NECTIN3: variants seen among roughly 807,000 people sequenced by gnomAD.
The protein encoded by NECTIN3 is nectin cell adhesion molecule 3, also known as nectin-3.
NECTIN3 carries 8 observed loss-of-function variants against 49.4 expected under a neutral mutation model. The observed-to-expected ratio is 0.16, with a 90% CI of 0.10 to 0.29. The LOEUF (loss-of-function observed/expected upper bound fraction) is 0.29, where lower values mean the gene tolerates loss of function less well. Among genes scored for constraint, NECTIN3 ranks in the 10% least tolerant of loss-of-function variants. The pLI, the probability that NECTIN3 is intolerant of heterozygous loss-of-function variation, is 1.00. For missense variants in NECTIN3, 581 were observed against 654.6 expected (o/e 0.89, Z 1.23); for synonymous variants, 277 against 241.1 (o/e 1.15, Z -1.38).
In NECTIN3 at chr3:111,106,601, A is replaced by G. The variant is rs1576108533; in HGVS notation, c.161-5429A>G. The stretch of plus-strand genomic sequence containing the variant: ...CTTACCTATCAGTTTAAAACAAATC[A>G]GGTTAATTACTGAATGTGCTGGTGA... On this transcript the variant is annotated intron_variant, in intron 1 of 5. Coordinates refer to ENST00000485303, the MANE Select transcript of NECTIN3 (RefSeq NM_015480.3). Among the ~76,000 whole-genome samples, 3 of 152,300 alleles carry G rather than the reference A, an allele frequency of 2.0e-5. 1 individual carries two copies. In the East Asian group the frequency reaches 5.8e-4, roughly 29 times the overall value.
rs763632022 is a variant in NECTIN3 at position 111,118,637 on chromosome 3, T to TA, written c.503-12dup. On this transcript the variant is annotated intron_variant, in intron 2 of 5. Coordinates refer to ENST00000485303, the MANE Select transcript of NECTIN3 (RefSeq NM_015480.3). ...TTCTTGTTTGAATGTAACTAATTATTAAAAAAATATTTAAACAGTTGAACC... is the reference window on the plus strand; with the variant it reads ...TTCTTGTTTGAATGTAACTAATTATTAAAAAAAATATTTAAACAGTTGAACC... 2.5e-5 allele frequency: 38 copies of TA among 1,505,446 alleles called. No homozygotes were observed. The highest frequency in any genetic ancestry group is 3.1e-5 in the Non-Finnish European group (35 of 1,126,306). The allele number at this position is 1,505,446 out of a possible 1,614,324, so 93.3% of individuals were successfully genotyped here. A position where few individuals can be genotyped will look rare whatever the true frequency, so the allele number is the denominator to read the frequency against.
At chr3:111,149,843 A>G (rs2034962924) in intron 7 of NECTIN3, among the ~76,000 whole-genome samples, 1 of 151,902 alleles carries the variant, frequency 6.6e-6, no homozygotes, top group Non-Finnish European at 1.5e-5. Flanking sequence ...ATTCAGTTTT[A>G]AATCTGATAT....
intron 1 of NECTIN3, chr3:111,193,687 C>T: frequency 6.7e-6 from 2 of 298,048 alleles, no homozygotes; most frequent in Non-Finnish European, 1.3e-5. Flanking sequence ...CCTGTGATAA[C>T]TGCAGTGATT....
At chr3:111,100,750 T>C (rs572731693) in intron 1 of NECTIN3, among the ~76,000 whole-genome samples, 1 of 152,160 alleles carries the variant, frequency 6.6e-6, no homozygotes, top group Admixed American at 6.5e-5. Flanking sequence ...TTAAAAATAA[T>C]TCATTAGTAT....
chr3:111,110,444 G>A (rs985569722), intron 1 of NECTIN3, among the ~76,000 whole-genome samples: 1 of 151,960 alleles, frequency 6.6e-6, no homozygotes, highest in Non-Finnish European at 1.5e-5. Context: ...AATGTGATGA[G>A]CAGTCTAAAA....
chr3:111,117,057 C>G (rs982941416), intron 2 of NECTIN3, among the ~76,000 whole-genome samples: 10 of 151,922 alleles, frequency 6.6e-5, no homozygotes, highest in Admixed American at 3.9e-4. Context: ...AACAGGAACT[C>G]CATTGTCCAT....
At chr3:111,142,002 G>A (rs1035550412), downstream of NECTIN3, among the ~76,000 whole-genome samples, 3 of 151,758 alleles carry the variant, frequency 2.0e-5, no homozygotes, top group Non-Finnish European at 4.4e-5. Context: ...AAACAGTGTT[G>A]AGGCTAAATT....
chr3:111,099,995 C>T (rs2032810936), intron 1 of NECTIN3, among the ~76,000 whole-genome samples: 1 of 152,136 alleles, frequency 6.6e-6, no homozygotes, highest in South Asian at 2.1e-4. Flanking sequence ...CCCAGAGTCA[C>T]ACTGTTCTTG....
chr3:111,072,017 G>A lies in NECTIN3; in HGVS notation c.-1G>A, dbSNP rs1278877611. On this transcript the variant is annotated 5_prime_UTR_variant, in exon 1 of 6. Transcript: ENST00000485303. The stretch of plus-strand genomic sequence containing the variant: ...CGAGCGGGCCGGGGGGAGGGTGGGG[G>A]ATGGCGCGGACCCTGCGGCCGTCCC... The A allele has an allele frequency of 1.3e-6, 2 of 1,507,472 alleles. No homozygotes were observed. The highest frequency in any genetic ancestry group is 8.9e-7 in the Non-Finnish European group (1 of 1,127,214). The allele number at this position is 1,507,472 out of a possible 1,614,324, so 93.4% of individuals were successfully genotyped here. A position where few individuals can be genotyped will look rare whatever the true frequency, so the allele number is the denominator to read the frequency against.
chr3:111,193,289 A>G (rs2035846546), intron 1 of NECTIN3: 1 of 1,535,794 alleles, frequency 6.5e-7, no homozygotes, highest in African/African-American at 1.4e-5. Context: ...TTTACAATCA[A>G]ATGTGCTACC....
Position 111,136,345 on chromosome 3 carries a change from A to G in NECTIN3, c.*2130A>G. The G allele has an allele frequency of 1.0e-6, 1 of 984,706 alleles. No individual in the cohort carries two copies. 61.0% of individuals were successfully genotyped at this position (984,706 alleles called of 1,614,324 possible). A position where few individuals can be genotyped will look rare whatever the true frequency, so the allele number is the denominator to read the frequency against. On this transcript the variant is annotated 3_prime_UTR_variant, in exon 6 of 6. Transcript: ENST00000485303. ...CTTTTACATTGTGGTTATTTGTGCG[A>G]TTAGGTTTTTTTGTTTGTTTCTTTT...
intron 1 of NECTIN3, among the ~76,000 whole-genome samples, chr3:111,089,806 A>T (rs2032152837): frequency 2.0e-5 from 3 of 151,854 alleles, no homozygotes; most frequent in Admixed American, 2.0e-4. Context: ...AAATTTTCTT[A>T]ACCCTTTCTG....
In NECTIN3 at chr3:111,133,928, A is replaced by G. The variant is rs1202325810; in HGVS notation, c.1363A>G (p.Ile455Val). The G allele has an allele frequency of 1.9e-6, 3 of 1,613,818 alleles. No individual in the cohort carries two copies. Among genetic ancestry groups the G allele is most frequent in the African/African-American group, 2.7e-5 (2 of 74,918 alleles). The change falls in exon 6 of 6, where the codon ATA (isoleucine) becomes GTA (valine). Residue 455 changes from isoleucine (I) to valine (V), a missense_variant. By Grantham distance (29) the Ile-to-Val change is conservative. This residue lies in a region of NECTIN3 where 238 missense variants were observed against 244.9 expected (regional missense o/e 0.97). Transcript: ENST00000485303. ...ATCAGATATGCAAAAAGAATCACAA[A>G]TAGATGTTCTTCAACAAGATGAGCT... ...PPSDMQKESQIDVLQQDELDS... is the reference protein window; with the variant it reads ...PPSDMQKESQVDVLQQDELDS...
chr3:111,162,712 T>C (rs1296831508), intron 7 of NECTIN3, among the ~76,000 whole-genome samples: 1 of 152,194 alleles, frequency 6.6e-6, no homozygotes, highest in Non-Finnish European at 1.5e-5. Flanking sequence ...TACCATATAA[T>C]AAGGATTCCC....
At chr3:111,118,587 TGTGA>T in intron 2 of NECTIN3, 65 bp from the exon 3 acceptor site, 1 of 1,344,274 alleles carries the variant, frequency 7.4e-7, no homozygotes, top group Non-Finnish European at 1.0e-6. Context: ...TATGTTTAGA[TGTGA>T]CTTGGAAAGA....
intron 7 of NECTIN3, among the ~76,000 whole-genome samples, chr3:111,177,961 GTA>G (rs1282602430): frequency 3.3e-5 from 5 of 152,076 alleles, no homozygotes; most frequent in African/African-American, 1.2e-4. Context: ...TAAAATTTAG[GTA>G]AAGTATCACT....
At chr3:111,145,029 T>A in exon 6 of NECTIN3, 1 of 1,536,350 alleles carries the variant, frequency 6.5e-7, no homozygotes, top group Non-Finnish European at 8.7e-7. Flanking sequence ...CATCCTATCT[T>A]GACAAAGTGT....
rs376631080 is a variant in NECTIN3 at position 111,093,009 on chromosome 3, G to A, written c.161-19021G>A. Among the ~76,000 whole-genome samples the A allele has an allele frequency of 1.2e-4, 18 of 152,200 alleles. No homozygotes were observed. In the East Asian group the frequency reaches 1.9e-3, roughly 16 times the overall value. On this transcript the variant is annotated intron_variant, in intron 1 of 5. Transcript: ENST00000485303. Reference sequence around the variant, plus strand: ...CATTGTTTTGTAATTTTCAGTGTAAGCTTTACACTTCATTGTTAAATTTTT... The same window carrying A: ...CATTGTTTTGTAATTTTCAGTGTAAACTTTACACTTCATTGTTAAATTTTT...
At chr3:111,172,177 TC>T (rs1205120850) in intron 7 of NECTIN3, among the ~76,000 whole-genome samples, 1 of 152,128 alleles carries the variant, frequency 6.6e-6, no homozygotes, top group African/African-American at 2.4e-5. Flanking sequence ...CCTTTCATGA[TC>T]CTCTTTCTTC....
Sources: gnomAD v4.1 joint callset for allele counts (sites outside exome capture counted in the v4.1 genomes callset) on GRCh38, gnomAD v4.1.1 for gene constraint, gnomAD v4.1.1 regional missense constraint, MANE v1.5 for transcripts, NCBI Gene and HGNC (gene_info 2026-07-23, HGNC 2026-07-21) for gene names.